JAM3: variants seen among roughly 807,000 people sequenced by gnomAD.
JAM3 encodes junctional adhesion molecule C.
A neutral mutation model predicts 39.4 loss-of-function variants in JAM3; 31 were observed. That is an observed-to-expected ratio of 0.79 (90% CI 0.59 to 1.06). The LOEUF (loss-of-function observed/expected upper bound fraction) is 1.06. Among genes scored for constraint, JAM3 ranks in the 50% least tolerant of loss-of-function variants. JAM3 has a pLI of 0.00. For missense variants in JAM3, 455 were observed against 391.4 expected (o/e 1.16, Z -1.37); for synonymous variants, 182 against 148.7 (o/e 1.22, Z -1.63).
rs368992205 is a variant in JAM3, at chr11:134,109,974, TC to T, written c.77-29874del. Among the ~76,000 whole-genome samples the T allele has an allele frequency of 1.4e-4, 21 of 152,354 alleles. No homozygotes were observed. The South Asian group carries it at 2.3e-3, about 17-fold the overall frequency. On this transcript the variant is annotated intron_variant, in intron 1 of 8. Transcript: ENST00000299106. ...TGAAGTGGGGTCTGAGTTTTTATTT[TC>T]CCTTCACATTGCTTTCACTCTAAAA...
intron 1 of JAM3, among the ~76,000 whole-genome samples, chr11:134,132,951 G>T (rs1378685725): frequency 2.6e-5 from 4 of 152,166 alleles, no homozygotes; most frequent in Non-Finnish European, 5.9e-5. Flanking sequence ...TGCAGGTTGG[G>T]ATTCTTTATC....
chr11:134,124,164 A>G (rs1942592452), intron 1 of JAM3: 3 of 1,459,400 alleles, frequency 2.1e-6, no homozygotes, highest in South Asian at 1.1e-5. Context: ...TTCTTTTTCA[A>G]CTGGAGCTTT....
chr11:134,072,693 C>G (rs938085511), intron 1 of JAM3, among the ~76,000 whole-genome samples: 1 of 151,130 alleles, frequency 6.6e-6, no homozygotes, highest in Non-Finnish European at 1.5e-5. Flanking sequence ...GGGCGGATCA[C>G]AAGATCAGGA....
In JAM3 at chr11:134,144,919, A is replaced by C. The variant is rs201913060; in HGVS notation, c.537A>C (p.Pro179=). Residue 179 remains proline, a synonymous_variant, in exon 5 of 9, where the codon CCA becomes CCC. Transcript: ENST00000299106. The part of the protein sequence containing the change: ...PHYSWYRNDV[P]LPTDSRANPR... ...ACAGCTGGTATCGCAATGATGTACC[A>C]CTGCCCACGGATTCCAGAGCCAATC... is the stretch of plus-strand genomic sequence containing the variant. 8.7e-6 allele frequency: 14 copies of C among 1,614,058 alleles called. No individual in the cohort carries two copies. In the South Asian group the frequency reaches 1.3e-4, roughly 15 times the overall value.
intron 1 of JAM3, among the ~76,000 whole-genome samples, chr11:134,094,372 A>C (rs552007136): frequency 7.2e-6 from 1 of 138,796 alleles, no homozygotes; most frequent in Admixed American, 7.1e-5. Flanking sequence ...TCCTGAGGGA[A>C]GCTTCTCCTG....
intron 1 of JAM3, among the ~76,000 whole-genome samples, chr11:134,123,421 G>T (rs984220546): frequency 6.6e-6 from 1 of 152,134 alleles, no homozygotes; most frequent in African/African-American, 2.4e-5. Flanking sequence ...ACCACAGGGA[G>T]ATCTATGTGC....
intron 4 of JAM3, 46 bp downstream of exon 4, chr11:134,144,439 G>C: frequency 6.2e-7 from 1 of 1,606,708 alleles, no homozygotes; most frequent in South Asian, 1.1e-5. Flanking sequence ...TAGGATGCAA[G>C]AGATCAGTTA....
At position 134,076,833 on chromosome 11, in the gene JAM3, C is replaced by CTTTTT. The variant is rs71038556; in HGVS notation, c.76+7690_76+7694dup. ...TTTGCAATCTCACTAACATCTATTG[C>CTTTTT]TTTTTTTTTTTTTTTTTTTTGAGAT... On this transcript the variant is annotated intron_variant, in intron 1 of 8. Transcript: ENST00000299106. 2.4e-4 allele frequency among the ~76,000 whole-genome samples: 28 copies of CTTTTT among 118,510 alleles called. 1 individual carries two copies. Among genetic ancestry groups the CTTTTT allele is most frequent in the Admixed American group, 3.4e-4 (4 of 11,690 alleles). The allele number at this position is 118,510 out of a possible 152,430, so 77.7% of individuals were successfully genotyped here. A position where few individuals can be genotyped will look rare whatever the true frequency, so the allele number is the denominator to read the frequency against.
At chr11:134,075,095 C>T (rs775446996) in intron 1 of JAM3, among the ~76,000 whole-genome samples, 39 of 151,306 alleles carry the variant, frequency 2.6e-4, no homozygotes, top group Non-Finnish European at 5.3e-4. Flanking sequence ...TGGTAGTCTC[C>T]ATTTTCATGG....
chr11:134,073,313 A>G (rs1306820733), intron 1 of JAM3, among the ~76,000 whole-genome samples: 2 of 152,248 alleles, frequency 1.3e-5, no homozygotes, highest in Non-Finnish European at 2.9e-5. Flanking sequence ...TAGTTAATAC[A>G]TACAGCAGAG....
intron 1 of JAM3, among the ~76,000 whole-genome samples, chr11:134,084,353 G>A (rs867707515): frequency 1.3e-5 from 2 of 152,106 alleles, no homozygotes; most frequent in Admixed American, 6.5e-5. Flanking sequence ...TCTCATCTCC[G>A]CTATGTGATT....
At chr11:134,148,044 C>T (rs775260156) in intron 6 of JAM3, 5 of 194,280 alleles carry the variant, frequency 2.6e-5, no homozygotes, top group Admixed American at 1.1e-4. Context: ...GTCAGGCAGC[C>T]GGCAGAGACA....
At chr11:134,146,132 A>G (rs998370619) in intron 6 of JAM3, 87 bp downstream of exon 6, 2 of 938,374 alleles carry the variant, frequency 2.1e-6, no homozygotes, top group African/African-American at 3.3e-5. Context: ...CAGCTTAGAG[A>G]ACTCTTCCGC....
chr11:134,103,471 C>T (rs559082487), intron 1 of JAM3, among the ~76,000 whole-genome samples: 4 of 152,234 alleles, frequency 2.6e-5, no homozygotes, highest in South Asian at 2.1e-4. Context: ...GTAAAATAAC[C>T]AGCTAACATC....
chr11:134,102,755 A>AG (rs1328089387), intron 1 of JAM3, among the ~76,000 whole-genome samples: 1 of 152,254 alleles, frequency 6.6e-6, no homozygotes, highest in Non-Finnish European at 1.5e-5. Flanking sequence ...ACTGGAAGAA[A>AG]GGGTATCAGT....
At chr11:134,103,192 A>C (rs1402234933) in intron 1 of JAM3, among the ~76,000 whole-genome samples, 1 of 152,208 alleles carries the variant, frequency 6.6e-6, no homozygotes, top group African/African-American at 2.4e-5. Flanking sequence ...ACCAGAAGAG[A>C]GTGGGGGCCA....
rs1260147264 is a variant in JAM3 at position 134,151,655 on chromosome 11, G to A, written c.*2474G>A. 1 of 152,188 alleles carries A rather than the reference G, an allele frequency of 6.6e-6. No individual in the cohort carries two copies. Among genetic ancestry groups the A allele is most frequent in the Non-Finnish European group, 1.5e-5 (1 of 68,044 alleles). 9.4% of individuals were successfully genotyped at this position (152,188 alleles called of 1,614,324 possible). A position where few individuals can be genotyped will look rare whatever the true frequency, so the allele number is the denominator to read the frequency against. On this transcript the variant is annotated 3_prime_UTR_variant, in exon 9 of 9. Coordinates refer to ENST00000299106, the MANE Select transcript of JAM3 (RefSeq NM_032801.5). ...GATACGAGGCTGTGATTCTGCCTTT[G>A]GATGGATGTTGCTGTACACAGATGC...
intron 1 of JAM3, among the ~76,000 whole-genome samples, chr11:134,133,750 T>C (rs1213808525): frequency 1.3e-5 from 2 of 152,100 alleles, no homozygotes; most frequent in Non-Finnish European, 2.9e-5. Context: ...GACCTAATCA[T>C]AGGTCTATAG....
At position 134,148,813 on chromosome 11, in the gene JAM3, G is replaced by A. The variant is rs748905480; in HGVS notation, c.892G>A (p.Glu298Lys). 4.1e-5 allele frequency: 66 copies of A among 1,613,888 alleles called. 1 individual carries two copies. In the South Asian group the frequency reaches 5.1e-4, roughly 12 times the overall value. ...TGGAGTTAACTACATCCGCACTGAC[G>A]AGGAGGTAATCATTTAGTAAACCTG... ...PDGVNYIRTDEEGDFRHKSSF... is the reference protein window; with the variant it reads ...PDGVNYIRTDKEGDFRHKSSF... The change falls in exon 8 of 9, where the codon GAG (glutamate) becomes AAG (lysine). Residue 298 changes from glutamate (E) to lysine (K), a missense_variant. By Grantham distance (56) the Glu-to-Lys change is moderately conservative (BLOSUM62 1). Coordinates refer to ENST00000299106, the MANE Select transcript of JAM3 (RefSeq NM_032801.5).
Sources: gnomAD v4.1 joint callset for allele counts (sites outside exome capture counted in the v4.1 genomes callset) on GRCh38, gnomAD v4.1.1 for gene constraint, MANE v1.5 for transcripts, NCBI Gene and HGNC (gene_info 2026-07-23, HGNC 2026-07-21) for gene names.